Variants in DDX54 observed in about 807,000 individuals in gnomAD.
DDX54 encodes DEAD-box helicase 54.
DDX54 carries 67 observed loss-of-function variants against 105.5 expected under a neutral mutation model. The ratio of observed to expected loss-of-function variants is 0.64; its 90% CI spans 0.52 to 0.78. The LOEUF is 0.78. Ranked by LOEUF, DDX54 falls within the 30% of genes least tolerant of loss-of-function variation. The pLI, the probability that DDX54 is intolerant of heterozygous loss-of-function variation, is 0.00. For synonymous variants in DDX54, 514 were observed against 509.9 expected, an observed-to-expected ratio of 1.01 and a Z score of -0.11; for missense variants, 1,206 against 1,230.5, an observed-to-expected ratio of 0.98 and a Z score of 0.30.
chr12:113,164,662 C>T lies in DDX54; in HGVS notation c.1720-377G>A, dbSNP rs545919497. 6.6e-5 allele frequency among the ~76,000 whole-genome samples: 10 copies of T among 151,684 alleles called. No homozygotes were observed. The Middle Eastern group carries it at 0.01, about 158-fold the overall frequency. On this transcript the variant is annotated intron_variant, in intron 14 of 19. Coordinates refer to ENST00000306014, the MANE Select transcript of DDX54 (RefSeq NM_024072.4). ...CCAGAAGGCAGAGGTTGCAGTGAGC[C>T]GAGATTGCACCACTGCACCCCAGCC...
In DDX54 at chr12:113,172,456, G is replaced by T; in HGVS notation, c.1176C>A (p.Leu392=). The T allele has an allele frequency of 6.2e-7, 1 of 1,614,276 alleles. No homozygotes were observed. The highest frequency in any genetic ancestry group is 2.2e-5 in the East Asian group (1 of 44,892). The change falls in exon 11 of 20, where the codon CTC becomes CTA. Residue 392 remains leucine, a synonymous_variant. Transcript: ENST00000306014. ...CTCGGGCGGCCAGGTCAGTCACAAT[G>T]AGAGTGGAGCACTTGCCAAGCGTGA... ...AKFTLGKCST[L]IVTDLAARGL...
chr12:113,175,268 C>T, intron 7 of DDX54, 111 bp from the exon 8 acceptor site: 1 of 1,421,442 alleles, frequency 7.0e-7, no homozygotes, highest in East Asian at 2.4e-5. Context: ...GCTTGCCTCA[C>T]TCTAACTCAG....
chr12:113,172,912 C>T (rs138073298), intron 10 of DDX54, among the ~76,000 whole-genome samples: 31 of 152,220 alleles, frequency 2.0e-4, no homozygotes, highest in Non-Finnish European at 3.7e-4. Context: ...TTTTCTATGC[C>T]TCATTTTCCT....
intron 1 of DDX54, among the ~76,000 whole-genome samples, chr12:113,181,333 C>A (rs1320995524): frequency 6.6e-6 from 1 of 151,718 alleles, no homozygotes; most frequent in East Asian, 1.9e-4. Flanking sequence ...TACTCTGTCA[C>A]CCAGGCTGGA....
chr12:113,162,249 T>C (rs1460289006), intron 17 of DDX54, among the ~76,000 whole-genome samples: 1 of 152,186 alleles, frequency 6.6e-6, no homozygotes, highest in African/African-American at 2.4e-5. Flanking sequence ...CACTGGGGCC[T>C]GGCTCAGGGA....
chr12:113,161,811 G>T, intron 18 of DDX54, 82 bp downstream of exon 18: 1 of 118,090 alleles, frequency 8.5e-6, no homozygotes. Context: ...CCCCGCCCCC[G>T]CCCCCAGGTT....
At chr12:113,161,845 C>T (rs187000952) in intron 18 of DDX54, 48 bp downstream of exon 18, 25,235 of 1,211,702 alleles carry the variant, frequency 0.021, 315 homozygotes, top group Non-Finnish European at 0.024. Flanking sequence ...GCTGCTCCTG[C>T]TGAAGCTCCT....
intron 3 of DDX54, 77 bp downstream of exon 3, chr12:113,179,858 G>T (rs1593008816): frequency 6.6e-7 from 1 of 1,515,114 alleles, no homozygotes. Flanking sequence ...GGGACAAGGG[G>T]TGGCTGTCAA....
chr12:113,159,554 C>T (rs115609511), intron 19 of DDX54, among the ~76,000 whole-genome samples: 1,697 of 152,280 alleles, frequency 0.011, 31 homozygotes, highest in African/African-American at 0.039. Context: ...AGCACACCTA[C>T]GGCACGCCAG....
Position 113,163,180 on chromosome 12 carries a change from T to C in DDX54, c.2033A>G (p.Gln678Arg). ...RRREEARQRD[Q>R]EFYIPYRPKD... ...GGGCCGGTAGGGGATGTAGAATTCC[T>C]GGTCCCGCTGCCGGGCCTCCTCCCT... The change falls in exon 16 of 20, where the codon CAG (glutamine) becomes CGG (arginine). Residue 678 changes from glutamine (Q) to arginine (R), a missense_variant. This residue lies in a region of DDX54 where 961 missense variants were observed against 1,019.1 expected (regional missense o/e 0.94). Coordinates refer to ENST00000306014, the MANE Select transcript of DDX54 (RefSeq NM_024072.4). The surrounding 1 kb of genome is among the most constrained non-coding windows in gnomAD (Gnocchi z 5.9). 1 of 1,612,966 alleles carries C rather than the reference T, an allele frequency of 6.2e-7. No individual in the cohort carries two copies. Among genetic ancestry groups the C allele is most frequent in the Non-Finnish European group, 8.5e-7 (1 of 1,179,996 alleles).
chr12:113,161,315 G>A lies in DDX54; in HGVS notation c.2368C>T (p.Arg790Trp), dbSNP rs771641304. 41 of 1,613,340 alleles carry A rather than the reference G, an allele frequency of 2.5e-5. No individual in the cohort carries two copies. The East Asian group carries it at 4.9e-4, about 19-fold the overall frequency. Residue 790 changes from arginine (R) to tryptophan (W), a missense_variant, in exon 19 of 20, where the codon CGG (arginine) becomes TGG (tryptophan). By Grantham distance (101) the Arg-to-Trp change is moderately radical (BLOSUM62 -3). Transcript: ENST00000306014. ...CCACCTCTTCGCTCTGGGCCTCGCC[G>A]GTCAGATGCCCCTTCTTCGTCCGAG... ...RDSDEEGASD[R>W]RGPERRGGKR...
chr12:113,175,260 T>A (rs1952390241), intron 7 of DDX54, 103 bp from the exon 8 acceptor site: 3 of 1,455,640 alleles, frequency 2.1e-6, no homozygotes, highest in Non-Finnish European at 2.7e-6. Context: ...GTCCCAGGGC[T>A]TGCCTCACTC....
At chr12:113,164,422 G>C (rs1952249289) in intron 14 of DDX54, 137 bp from the exon 15 acceptor site, 4 of 1,092,134 alleles carry the variant, frequency 3.7e-6, no homozygotes, top group Non-Finnish European at 5.1e-6. Flanking sequence ...CAATTAGATA[G>C]ACAGACCCAG....
rs367918878 is a variant in DDX54 at position 113,175,138 on chromosome 12, C to T, written c.772G>A (p.Ala258Thr). 17 of 1,611,334 alleles carry T rather than the reference C, an allele frequency of 1.1e-5. No homozygotes were observed. Among genetic ancestry groups the T allele is most frequent in the East Asian group, 2.2e-5 (1 of 44,864 alleles). The change falls in exon 8 of 20, where the codon GCA becomes ACA. Residue 258 changes from alanine (A) to threonine (T), a missense_variant. This residue lies in a region of DDX54 where 961 missense variants were observed against 1,019.1 expected (regional missense o/e 0.94). Transcript: ENST00000306014. ...GCGATGATCTCCTGCAGCTGCTCTGCGAAACCCATTTCAAAAAGCCTGGAA... is the reference window on the plus strand; with the variant it reads ...GCGATGATCTCCTGCAGCTGCTCTGTGAAACCCATTTCAAAAAGCCTGGAA... ...EADRLFEMGF[A>T]EQLQEIIARL...
intron 18 of DDX54, 99 bp downstream of exon 18, chr12:113,161,794 T>TCCCCCCC: frequency 1.2e-5 from 1 of 82,322 alleles, no homozygotes. Flanking sequence ...CGCCCCCTCC[T>TCCCCCCC]CCCCGCCCCC....
chr12:113,178,908 C>G (rs531334302), intron 5 of DDX54, 69 bp downstream of exon 5: 2 of 1,582,132 alleles, frequency 1.3e-6, no homozygotes. Flanking sequence ...TTAAATCGAA[C>G]TAATGTCCTG....
intron 11 of DDX54, among the ~76,000 whole-genome samples, chr12:113,172,100 C>G (rs1018958873): frequency 6.6e-6 from 1 of 151,896 alleles, no homozygotes; most frequent in African/African-American, 2.4e-5. Context: ...GTCAAAAAAA[C>G]CATAAGCTGA....
chr12:113,165,949 C>G lies in DDX54; in HGVS notation c.1498G>C (p.Glu500Gln). The G allele has an allele frequency of 1.2e-6, 2 of 1,613,610 alleles. No individual in the cohort carries two copies. The highest frequency in any genetic ancestry group is 1.7e-6 in the Non-Finnish European group (2 of 1,180,028). ...EEDSGLQSTL[E>Q]ASLELRGLAR... is the part of the protein sequence containing the mutation. ...AGGCCCCGTAGCTCCAGCGATGCCT[C>G]CAGGGTGCTCTGCAGACCACTGTCC... is the stretch of plus-strand genomic sequence containing the variant. The change falls in exon 13 of 20, where the codon GAG (glutamate) becomes CAG (glutamine). Residue 500 changes from glutamate to glutamine, a missense_variant. Transcript: ENST00000306014.
At chr12:113,170,896 C>T (rs1952329516) in intron 11 of DDX54, among the ~76,000 whole-genome samples, 1 of 152,046 alleles carries the variant, frequency 6.6e-6, no homozygotes, top group Non-Finnish European at 1.5e-5. Flanking sequence ...AAGAAAAAAA[C>T]AAAAAGCCAG....
Sources: gnomAD v4.1 joint callset for allele counts (sites outside exome capture counted in the v4.1 genomes callset) on GRCh38, gnomAD v4.1.1 for gene constraint, gnomAD v4.1.1 regional missense constraint, Gnocchi (gnomAD v3.1) non-coding constraint, MANE v1.5 for transcripts, NCBI Gene and HGNC (gene_info 2026-07-23, HGNC 2026-07-21) for gene names.